THRB: variants seen among roughly 807,000 people sequenced by gnomAD.
The protein encoded by THRB is thyroid hormone receptor beta, also known as nuclear receptor subfamily 1 group A member 2.
In THRB, 12 loss-of-function variants were observed where a neutral mutation model predicts 47.8. The ratio of observed to expected loss-of-function variants is 0.25; its 90% CI spans 0.16 to 0.41. The LOEUF is 0.41. THRB is among the 10% of genes least tolerant of loss of function. The pLI, the probability that THRB is intolerant of heterozygous loss-of-function variation, is 1.00. For synonymous variants in THRB, 218 were observed against 212.2 expected, an observed-to-expected ratio of 1.03 and a Z score of -0.24; for missense variants, 348 against 589.2, an observed-to-expected ratio of 0.59 and a Z score of 4.24.
intron 2 of THRB, among the ~76,000 whole-genome samples, chr3:24,333,915 T>C (rs557561585): frequency 1.3e-5 from 2 of 152,290 alleles, no homozygotes; most frequent in African/African-American, 4.8e-5. Context: ...TTCTTGCCGT[T>C]TCCTAACGCC....
intron 5 of THRB, among the ~76,000 whole-genome samples, chr3:24,171,896 C>T (rs1301250179): frequency 6.6e-6 from 1 of 152,140 alleles, no homozygotes; most frequent in African/African-American, 2.4e-5. Flanking sequence ...AAATGAACAC[C>T]ATGGCTACTG....
intron 3 of THRB, among the ~76,000 whole-genome samples, chr3:24,272,347 A>AAAC (rs35975177): frequency 0.023 from 3,416 of 149,870 alleles, 114 homozygotes; most frequent in African/African-American, 0.075. Context: ...CTCTCTCTCA[A>AAAC]AACAACAACA....
At chr3:24,453,554 T>C (rs2072878393) in intron 1 of THRB, among the ~76,000 whole-genome samples, 1 of 152,200 alleles carries the variant, frequency 6.6e-6, no homozygotes, top group Non-Finnish European at 1.5e-5. Context: ...TCCCAAGTGG[T>C]CGTCTTGGTT....
At chr3:24,412,962 C>A (rs913215425) in intron 1 of THRB, among the ~76,000 whole-genome samples, 3 of 151,294 alleles carry the variant, frequency 2.0e-5, no homozygotes, top group African/African-American at 7.3e-5. Context: ...AATAATATAC[C>A]ATTTTCCACT....
At chr3:24,164,655 T>A (rs756331411) in intron 5 of THRB, among the ~76,000 whole-genome samples, 5 of 152,208 alleles carry the variant, frequency 3.3e-5, no homozygotes, top group African/African-American at 4.8e-5. Context: ...GAGTTTTTAA[T>A]CTGAACCTGA....
rs367789675 is a variant in THRB, at chr3:24,366,367, C to T, written c.-260-28996G>A. Among the ~76,000 whole-genome samples, 9 of 152,228 alleles carry T rather than the reference C, an allele frequency of 5.9e-5. 1 individual carries two copies. The East Asian group carries it at 1.5e-3, about 26-fold the overall frequency. On this transcript the variant is annotated intron_variant, in intron 1 of 10. Coordinates refer to ENST00000646209, the MANE Select transcript of THRB (RefSeq NM_001354712.2). The stretch of plus-strand genomic sequence containing the variant: ...AGCCAGAAGTCCTCTTCTACTTCAT[C>T]GTTACCCCCATGCTTCCAGGCAGTC...
At chr3:24,202,847 C>T (rs920320701) in intron 4 of THRB, among the ~76,000 whole-genome samples, 1 of 152,214 alleles carries the variant, frequency 6.6e-6, no homozygotes, top group Non-Finnish European at 1.5e-5. Flanking sequence ...ACTTTCATAA[C>T]ACCTTTGCTA....
intron 1 of THRB, among the ~76,000 whole-genome samples, chr3:24,446,629 A>AC (rs1401013076): frequency 1.3e-5 from 2 of 152,100 alleles, no homozygotes; most frequent in Non-Finnish European, 2.9e-5. Context: ...TGTGACAGTG[A>AC]CATCAGAAGT....
chr3:24,398,911 A>C (rs1337817405), intron 1 of THRB, among the ~76,000 whole-genome samples: 1 of 152,198 alleles, frequency 6.6e-6, no homozygotes, highest in Non-Finnish European at 1.5e-5. Flanking sequence ...AAAAATGATG[A>C]GTTCATGTCC....
intron 5 of THRB, among the ~76,000 whole-genome samples, chr3:24,177,330 T>G (rs114009318): frequency 1.3e-5 from 2 of 152,352 alleles, no homozygotes; most frequent in Admixed American, 6.5e-5. Flanking sequence ...ACAGAGTTAC[T>G]GCTCATTGCA....
At chr3:24,465,571 T>C (rs1470830859) in intron 1 of THRB, among the ~76,000 whole-genome samples, 2 of 152,162 alleles carry the variant, frequency 1.3e-5, no homozygotes, top group African/African-American at 2.4e-5. Context: ...ACAGGCTTAA[T>C]TTTTGTATGT....
At chr3:24,356,602 A>C (rs2063688750) in intron 1 of THRB, among the ~76,000 whole-genome samples, 2 of 152,094 alleles carry the variant, frequency 1.3e-5, no homozygotes, top group Admixed American at 1.3e-4. Flanking sequence ...AACTGCCCTT[A>C]AAGTCTATAA....
chr3:24,323,847 A>G (rs2058643861), intron 2 of THRB, among the ~76,000 whole-genome samples: 1 of 152,206 alleles, frequency 6.6e-6, no homozygotes, highest in African/African-American at 2.4e-5. Context: ...TTACTATCTA[A>G]TAGTTCTTTC....
intron 5 of THRB, among the ~76,000 whole-genome samples, chr3:24,187,326 G>C (rs758569508): frequency 6.6e-6 from 1 of 152,194 alleles, no homozygotes; most frequent in East Asian, 1.9e-4. Context: ...CTTTGCAGAA[G>C]AGTGCCAGTC....
At chr3:24,295,306 G>T (rs189094699) in intron 3 of THRB, among the ~76,000 whole-genome samples, 69 of 152,330 alleles carry the variant, frequency 4.5e-4, no homozygotes, top group African/African-American at 1.4e-3. Context: ...CTTCGAAGAT[G>T]CAAGAAGGTA....
intron 8 of THRB, among the ~76,000 whole-genome samples, chr3:24,140,882 A>G (rs2035353611): frequency 6.6e-6 from 1 of 152,178 alleles, no homozygotes; most frequent in Non-Finnish European, 1.5e-5. Flanking sequence ...ATAGATACTC[A>G]AGTGTGGAGG....
intron 1 of THRB, among the ~76,000 whole-genome samples, chr3:24,435,542 C>T (rs1465168989): frequency 6.6e-6 from 1 of 152,130 alleles, no homozygotes; most frequent in African/African-American, 2.4e-5. Context: ...AACACTTCCC[C>T]TCTCCCTAAC....
chr3:24,139,680 C>T (rs1003329663), intron 8 of THRB, among the ~76,000 whole-genome samples: 3 of 152,156 alleles, frequency 2.0e-5, no homozygotes, highest in African/African-American at 7.2e-5. Context: ...GCCACTGTGG[C>T]CAGCCCTGTC....
intron 1 of THRB, among the ~76,000 whole-genome samples, chr3:24,447,223 C>T (rs1415705689): frequency 2.6e-5 from 4 of 152,162 alleles, no homozygotes; most frequent in East Asian, 1.9e-4. Flanking sequence ...GGAAGAAATT[C>T]GAAGCAATTA....
Sources: gnomAD v4.1 joint callset for allele counts (sites outside exome capture counted in the v4.1 genomes callset) on GRCh38, gnomAD v4.1.1 for gene constraint, MANE v1.5 for transcripts, NCBI Gene and HGNC (gene_info 2026-07-23, HGNC 2026-07-21) for gene names.